SLC5A8: variants seen among roughly 807,000 people sequenced by gnomAD.
SLC5A8 encodes the protein sodium-coupled monocarboxylate transporter 1.
SLC5A8 carries 55 observed loss-of-function variants against 71.9 expected under a neutral mutation model. The observed-to-expected ratio is 0.77, with a 90% confidence interval of 0.62 to 0.96. The LOEUF is 0.96. Among genes scored for constraint, SLC5A8 ranks in the 40% least tolerant of loss-of-function variants. The pLI, the probability that SLC5A8 is intolerant of heterozygous loss-of-function variation, is 0.00. For synonymous variants in SLC5A8, 307 were observed against 276.1 expected (o/e 1.11, Z -1.11); for missense variants, 701 against 745.3 (o/e 0.94, Z 0.69).
intron 5 of SLC5A8, 121 bp downstream of exon 5, chr12:101,193,504 T>G: frequency 8.5e-7 from 1 of 1,177,464 alleles, no homozygotes; most frequent in Non-Finnish European, 1.2e-6. Flanking sequence ...TTCAATTTGC[T>G]CTACCACATC....
intron 6 of SLC5A8, among the ~76,000 whole-genome samples, chr12:101,188,872 T>C (rs1244809330): frequency 6.6e-6 from 1 of 152,224 alleles, no homozygotes; most frequent in African/African-American, 2.4e-5. Flanking sequence ...ATGAGTTTAA[T>C]ATATTGTTTT....
At chr12:101,201,924 T>A (rs1869469808) in intron 3 of SLC5A8, among the ~76,000 whole-genome samples, 1 of 152,114 alleles carries the variant, frequency 6.6e-6, no homozygotes, top group Non-Finnish European at 1.5e-5. Context: ...GATGGGCACA[T>A]CCCAGAGAAG....
chr12:101,202,306 A>G (rs1869490639), intron 2 of SLC5A8, 91 bp from the exon 3 acceptor site: 17 of 1,174,714 alleles, frequency 1.4e-5, no homozygotes, highest in Middle Eastern at 2.3e-4. Flanking sequence ...GTTTTCCTAT[A>G]ACTTCAATTA....
intron 13 of SLC5A8, among the ~76,000 whole-genome samples, chr12:101,161,199 GACAC>G (rs2051720448): frequency 6.6e-6 from 1 of 151,518 alleles, no homozygotes; most frequent in Non-Finnish European, 1.5e-5. Flanking sequence ...TTTTTTTTCA[GACAC>G]ACAAAGTTTC....
intron 6 of SLC5A8, among the ~76,000 whole-genome samples, chr12:101,189,027 C>G (rs1868783971): frequency 6.6e-6 from 1 of 152,048 alleles, no homozygotes; most frequent in African/African-American, 2.4e-5. Flanking sequence ...AAATGAGTCC[C>G]CTGGGTTTCG....
Position 101,190,465 on chromosome 12 carries a change from T to G in SLC5A8, c.833+3A>C. 1 of 1,612,234 alleles carries G rather than the reference T, an allele frequency of 6.2e-7. No individual in the cohort carries two copies. On this transcript the variant is annotated splice_donor_region_variant and intron_variant, in intron 6 of 14. Coordinates refer to ENST00000536262, the MANE Select transcript of SLC5A8 (RefSeq NM_145913.5). ...GATTCATATACCATGGTGTGTGACT[T>G]ACAGTTTTGCCTGGAATCTGCTTTT...
At position 101,204,549 on chromosome 12, in the gene SLC5A8, A is replaced by T; in HGVS notation, c.368T>A (p.Phe123Tyr). 1 of 1,601,238 alleles carries T rather than the reference A, an allele frequency of 6.2e-7. No homozygotes were observed. Among genetic ancestry groups the T allele is most frequent in the Non-Finnish European group, 8.5e-7 (1 of 1,175,702 alleles). The change falls in exon 2 of 15, where the codon TTT becomes TAT. Residue 123 changes from phenylalanine to tyrosine, a missense_variant. Transcript: ENST00000536262. ...TSTYEYLELR[F>Y]NKCVRLCGTV... The stretch of plus-strand genomic sequence containing the variant: ...TCCACAGAGACGAACACATTTGTTA[A>T]ATCGAAGTTCTAAATACTGTTGCAA...
At chr12:101,158,918 T>G (rs1173546789) in intron 13 of SLC5A8, among the ~76,000 whole-genome samples, 3 of 148,194 alleles carry the variant, frequency 2.0e-5, no homozygotes, top group Non-Finnish European at 4.4e-5. Flanking sequence ...GACTGACGTT[T>G]GATCCAAATC....
At position 101,181,268 on chromosome 12, in the gene SLC5A8, T is replaced by C. The variant is rs532425903; in HGVS notation, c.1166-1172A>G. On this transcript the variant is annotated intron_variant, in intron 9 of 14. Coordinates refer to ENST00000536262, the MANE Select transcript of SLC5A8 (RefSeq NM_145913.5). ...ATTTTTACGCCTCTCAATTTTAATGTAAATAATATTTTCAATATATTTGGT... is the reference window on the plus strand; with the variant it reads ...ATTTTTACGCCTCTCAATTTTAATGCAAATAATATTTTCAATATATTTGGT... 2.6e-5 allele frequency among the ~76,000 whole-genome samples: 4 copies of C among 152,354 alleles called. No individual in the cohort carries two copies. The South Asian group carries it at 8.3e-4, about 32-fold the overall frequency.
At chr12:101,162,837 A>C in intron 12 of SLC5A8, among the ~76,000 whole-genome samples, 1 of 152,258 alleles carries the variant, frequency 6.6e-6, no homozygotes, top group East Asian at 1.9e-4. Flanking sequence ...AATAAAGTAG[A>C]TAAGATTCCT....
Position 101,209,576 on chromosome 12 carries a change from G to A in SLC5A8, c.273C>T (p.Thr91=). 6.2e-7 allele frequency: 1 copy of A among 1,614,070 alleles called. No individual in the cohort carries two copies. The highest frequency in any genetic ancestry group is 8.5e-7 in the Non-Finnish European group (1 of 1,180,032). The part of the protein sequence containing the change: ...FGAIFSIFAF[T]YFFVVVISAE... The stretch of plus-strand genomic sequence containing the variant: ...CGCTGATGACCACCACAAAGAAGTA[G>A]GTGAAGGCAAAGATGCTAAAAATGG... The change falls in exon 1 of 15, where the codon ACC becomes ACT. Residue 91 remains threonine (T), a synonymous_variant. Coordinates refer to ENST00000536262, the MANE Select transcript of SLC5A8 (RefSeq NM_145913.5).
intron 10 of SLC5A8, among the ~76,000 whole-genome samples, chr12:101,169,813 A>G (rs761524593): frequency 6.6e-6 from 1 of 152,240 alleles, no homozygotes; most frequent in Non-Finnish European, 1.5e-5. Context: ...GATATTTGAT[A>G]CAGGATTGAA....
intron 12 of SLC5A8, among the ~76,000 whole-genome samples, chr12:101,163,355 C>T (rs150621640): frequency 2.0e-5 from 3 of 152,052 alleles, no homozygotes; most frequent in African/African-American, 7.2e-5. Context: ...GGGAGGGAGG[C>T]AGGTTTTTGA....
At chr12:101,191,171 T>G (rs1030294866) in intron 5 of SLC5A8, among the ~76,000 whole-genome samples, 5 of 152,234 alleles carry the variant, frequency 3.3e-5, no homozygotes, top group Non-Finnish European at 7.3e-5. Flanking sequence ...TTTATTAAAA[T>G]GCTGTGCGTG....
chr12:101,208,312 T>C (rs1869761028), intron 1 of SLC5A8, among the ~76,000 whole-genome samples: 1 of 152,126 alleles, frequency 6.6e-6, no homozygotes, highest in Non-Finnish European at 1.5e-5. Flanking sequence ...GTGTCACCAA[T>C]GTTTGTTGTG....
At chr12:101,188,946 A>G (rs562248678) in intron 6 of SLC5A8, among the ~76,000 whole-genome samples, 47 of 152,294 alleles carry the variant, frequency 3.1e-4, no homozygotes, top group South Asian at 2.9e-3. Flanking sequence ...TTTGTCAATC[A>G]ATGTCAGTAG....
At chr12:101,182,983 GA>G in intron 8 of SLC5A8, 68 bp from the exon 9 acceptor site, 1 of 526,740 alleles carries the variant, frequency 1.9e-6, no homozygotes, top group Non-Finnish European at 2.9e-6. Context: ...GTGGGAATGA[GA>G]AAGGGGGAAA....
At position 101,209,644 on chromosome 12, in the gene SLC5A8, C is replaced by G; in HGVS notation, c.205G>C (p.Val69Leu). The change falls in exon 1 of 15, where the codon GTC becomes CTC. Residue 69 changes from valine to leucine, a missense_variant. Coordinates refer to ENST00000536262, the MANE Select transcript of SLC5A8 (RefSeq NM_145913.5). ...TCGGAGGGGGTGCCCAGGACAGTGA[C>G]GGCTGACATGAAGCTAGCGGTGAGG... The part of the protein sequence containing the change: ...LSLTASFMSA[V>L]TVLGTPSEVY... 6.2e-7 allele frequency: 1 copy of G among 1,613,988 alleles called. No individual in the cohort carries two copies. Among genetic ancestry groups the G allele is most frequent in the Non-Finnish European group, 8.5e-7 (1 of 1,180,040 alleles).
At position 101,166,537 on chromosome 12, in the gene SLC5A8, T is replaced by C. The variant is rs542182296; in HGVS notation, c.1483A>G (p.Met495Val). 6.2e-7 allele frequency: 1 copy of C among 1,613,960 alleles called. No individual in the cohort carries two copies. The highest frequency in any genetic ancestry group is 8.5e-7 in the Non-Finnish European group (1 of 1,179,938). ...NETNLMTTTE[M>V]PFTTSVFQIY... ...TGAAAAACACTAGTAGTAAATGGCA[T>C]TTCTGTGGTTGTCATCAAATTTGTC... Residue 495 changes from methionine (M) to valine (V), a missense_variant, in exon 12 of 15, where the codon ATG becomes GTG. Physicochemically the swap from Met to Val is conservative, Grantham distance 21 (BLOSUM62 1). Transcript: ENST00000536262.
Sources: gnomAD v4.1 joint callset for allele counts (sites outside exome capture counted in the v4.1 genomes callset) on GRCh38, gnomAD v4.1.1 for gene constraint, MANE v1.5 for transcripts, NCBI Gene and HGNC (gene_info 2026-07-23, HGNC 2026-07-21) for gene names.